The following KHDRBS2 variants were observed in gnomAD, a reference collection of about 807,000 sequenced individuals.
KHDRBS2 encodes KH RNA binding domain containing, signal transduction associated 2.
Under a neutral mutation model 44.3 loss-of-function variants are expected in KHDRBS2, and 26 were observed. The observed-to-expected ratio is 0.59, with a 90% CI of 0.43 to 0.81. The LOEUF is 0.81. KHDRBS2 is among the 40% of genes least tolerant of loss of function. The pLI is 0.00. For synonymous variants in KHDRBS2, 194 were observed against 151.1 expected (o/e 1.28, Z -2.08); for missense variants, 476 against 433.1 (o/e 1.10, Z -0.88).
At chr6:62,180,254 T>C (rs537660625) in intron 1 of KHDRBS2, among the ~76,000 whole-genome samples, 2 of 151,888 alleles carry the variant, frequency 1.3e-5, no homozygotes, top group Non-Finnish European at 2.9e-5. Context: ...AAAATAAAGA[T>C]ATCTGTTTGC....
At chr6:62,096,754 T>C (rs1800696314) in intron 2 of KHDRBS2, among the ~76,000 whole-genome samples, 1 of 151,862 alleles carries the variant, frequency 6.6e-6, no homozygotes, top group African/African-American at 2.4e-5. Context: ...TTTCTGTTTA[T>C]TTGGGTTTGG....
intron 1 of KHDRBS2, among the ~76,000 whole-genome samples, chr6:62,182,322 G>C (rs1057147689): frequency 6.6e-6 from 1 of 151,984 alleles, no homozygotes; most frequent in Admixed American, 6.6e-5. Flanking sequence ...AGGAAACAGG[G>C]AAGTGTTGGT....
chr6:61,772,953 C>G (rs1456606727), intron 6 of KHDRBS2, among the ~76,000 whole-genome samples: 2 of 152,114 alleles, frequency 1.3e-5, no homozygotes, highest in African/African-American at 2.4e-5. Context: ...ATCCATGTCC[C>G]TACAAAGGAC....
chr6:61,797,202 G>A (rs1414527883), intron 6 of KHDRBS2, among the ~76,000 whole-genome samples: 3 of 151,960 alleles, frequency 2.0e-5, no homozygotes, highest in Non-Finnish European at 4.4e-5. Context: ...AGCAGTTAGG[G>A]GCAGTAAAAA....
At chr6:61,772,757 A>T (rs897382652) in intron 6 of KHDRBS2, among the ~76,000 whole-genome samples, 1 of 152,084 alleles carries the variant, frequency 6.6e-6, no homozygotes, top group Non-Finnish European at 1.5e-5. Flanking sequence ...ATCATCTAGT[A>T]TTAGGTATAT....
intron 7 of KHDRBS2, among the ~76,000 whole-genome samples, chr6:61,710,689 G>A (rs1365614680): frequency 6.7e-6 from 1 of 150,092 alleles, no homozygotes; most frequent in Non-Finnish European, 1.5e-5. Flanking sequence ...TCAGCTTTGT[G>A]TTATGTATTT....
intron 6 of KHDRBS2, among the ~76,000 whole-genome samples, chr6:61,871,753 C>G (rs773000835): frequency 6.6e-6 from 1 of 152,148 alleles, no homozygotes; most frequent in Non-Finnish European, 1.5e-5. Context: ...TCCAGCCAAA[C>G]TAAGCTTCAT....
chr6:61,895,843 G>A (rs1802839922), intron 5 of KHDRBS2, among the ~76,000 whole-genome samples: 1 of 152,144 alleles, frequency 6.6e-6, no homozygotes. Flanking sequence ...GGGGACATAG[G>A]TTATGCTGTC....
rs1239467577 is a variant in KHDRBS2, at chr6:62,072,992, G to A, written c.220-24998C>T. Among the ~76,000 whole-genome samples the A allele has an allele frequency of 1.6e-4, 24 of 152,034 alleles. No individual in the cohort carries two copies. The South Asian group carries it at 2.5e-3, about 16-fold the overall frequency. On this transcript the variant is annotated intron_variant, in intron 2 of 8. Coordinates refer to ENST00000281156, the MANE Select transcript of KHDRBS2 (RefSeq NM_152688.4). ...GTCCTGGACTTTTTTTGGTTGGTAC[G>A]CTATTAATTATTGCCTCAATTTCAG...
At chr6:62,103,426 CT>C (rs749822358) in intron 2 of KHDRBS2, among the ~76,000 whole-genome samples, 18 of 152,228 alleles carry the variant, frequency 1.2e-4, no homozygotes, top group Non-Finnish European at 2.5e-4. Context: ...ACTGGCTGGG[CT>C]GCCACAGTGC....
intron 1 of KHDRBS2, among the ~76,000 whole-genome samples, chr6:62,198,283 T>C (rs1826115479): frequency 6.6e-6 from 1 of 151,802 alleles, no homozygotes; most frequent in Non-Finnish European, 1.5e-5. Context: ...CTTCCAAAAA[T>C]CAATGAATCC....
intron 1 of KHDRBS2, among the ~76,000 whole-genome samples, chr6:62,249,315 C>T (rs1836140728): frequency 6.6e-6 from 1 of 152,000 alleles, no homozygotes; most frequent in Non-Finnish European, 1.5e-5. Flanking sequence ...CTATAAGCTT[C>T]CCTCAGTAGA....
chr6:61,651,132 T>C, the KHDRBS2 span, among the ~76,000 whole-genome samples: 7 of 152,132 alleles, frequency 4.6e-5, no homozygotes, highest in African/African-American at 1.4e-4. Context: ...GAGTGTTTCC[T>C]ATGTGCTAGA....
chr6:61,647,119 C>A, the KHDRBS2 span, among the ~76,000 whole-genome samples: 1 of 151,948 alleles, frequency 6.6e-6, no homozygotes, highest in Non-Finnish European at 1.5e-5. Flanking sequence ...GTGCCTGGCC[C>A]ATATGGTAAA....
In KHDRBS2 at chr6:62,019,237, T is replaced by C. The variant is rs1262822267; in HGVS notation, c.336+28641A>G. 3.9e-5 allele frequency among the ~76,000 whole-genome samples: 6 copies of C among 152,092 alleles called. No homozygotes were observed. In the South Asian group the frequency reaches 1.2e-3, roughly 31 times the overall value. ...ATTAGTAAGTACTAATAAAATTAAGTATAATGTTAACTGCAGGTTTTGCAT... is the reference window on the plus strand; with the variant it reads ...ATTAGTAAGTACTAATAAAATTAAGCATAATGTTAACTGCAGGTTTTGCAT... On this transcript the variant is annotated intron_variant, in intron 3 of 8. Transcript: ENST00000281156.
chr6:62,029,614 C>T lies in KHDRBS2; in HGVS notation c.336+18264G>A, dbSNP rs187883216. ...ATCCAAGCATATTTATTCTCCATTA[C>T]GTAAAATAGCTGAGTGATTCATCTG... On this transcript the variant is annotated intron_variant, in intron 3 of 8. Coordinates refer to ENST00000281156, the MANE Select transcript of KHDRBS2 (RefSeq NM_152688.4). 5.5e-4 allele frequency among the ~76,000 whole-genome samples: 83 copies of T among 151,870 alleles called. 1 individual carries two copies. The highest frequency in any genetic ancestry group is 1.8e-3 in the African/African-American group (74 of 41,476).
chr6:61,551,989 T>A, the KHDRBS2 span, among the ~76,000 whole-genome samples: 1 of 152,034 alleles, frequency 6.6e-6, no homozygotes, highest in Non-Finnish European at 1.5e-5. Context: ...ATGCTACTAA[T>A]TTTTGTACAT....
chr6:62,033,085 G>A lies in KHDRBS2; in HGVS notation c.336+14793C>T, dbSNP rs567039381. Among the ~76,000 whole-genome samples the A allele has an allele frequency of 9.2e-5, 14 of 151,836 alleles. No homozygotes were observed. The East Asian group carries it at 2.0e-3, about 21-fold the overall frequency. ...ATGTAACTGGCATACTAAAGAATAC[G>A]TCAGTCTTCTAATAGCAAAATAGAT... On this transcript the variant is annotated intron_variant, in intron 3 of 8. Coordinates refer to ENST00000281156, the MANE Select transcript of KHDRBS2 (RefSeq NM_152688.4).
intron 1 of KHDRBS2, among the ~76,000 whole-genome samples, chr6:62,209,778 TC>T (rs1828707063): frequency 6.6e-6 from 1 of 152,166 alleles, no homozygotes; most frequent in South Asian, 2.1e-4. Context: ...TGCTGAGTCT[TC>T]CAGCCTTCAT....
Sources: gnomAD v4.1 joint callset for allele counts (sites outside exome capture counted in the v4.1 genomes callset) on GRCh38, gnomAD v4.1.1 for gene constraint, MANE v1.5 for transcripts, NCBI Gene and HGNC (gene_info 2026-07-23, HGNC 2026-07-21) for gene names.